NR3C2: variants seen among roughly 807,000 people sequenced by gnomAD.
The protein encoded by NR3C2 is mineralocorticoid receptor.
A neutral mutation model predicts 86.4 loss-of-function variants in NR3C2; 15 were observed. The observed-to-expected ratio is 0.17, with a 90% CI of 0.12 to 0.27. The LOEUF (loss-of-function observed/expected upper bound fraction) is 0.27, where lower values mean the gene tolerates loss of function less well. Among genes scored for constraint, NR3C2 ranks in the 10% least tolerant of loss-of-function variants. The pLI, the probability that NR3C2 is intolerant of heterozygous loss-of-function variation, is 1.00. For synonymous variants in NR3C2, 458 were observed against 450.5 expected (o/e 1.02, Z -0.21); for missense variants, 960 against 1,195.6 (o/e 0.80, Z 2.91).
At chr4:148,414,635 A>T (rs1748906598) in intron 2 of NR3C2, among the ~76,000 whole-genome samples, 1 of 152,186 alleles carries the variant, frequency 6.6e-6, no homozygotes, top group African/African-American at 2.4e-5. Context: ...CAAAAAAAAT[A>T]CTCAAAAATT....
rs533119629 is a variant in NR3C2 at position 148,091,610 on chromosome 4, C to T, written c.2800-10111G>A. ...GTTCCTGTGCCACACCGCTGTGTTA[C>T]GGCAAAGCATCTACCAGTCACCCTG... is the stretch of plus-strand genomic sequence containing the variant. On this transcript the variant is annotated intron_variant, in intron 8 of 8. Transcript: ENST00000358102. 4.3e-4 allele frequency among the ~76,000 whole-genome samples: 66 copies of T among 152,324 alleles called. 1 individual carries two copies. The South Asian group carries it at 5.6e-3, about 13-fold the overall frequency.
intron 2 of NR3C2, among the ~76,000 whole-genome samples, chr4:148,349,841 T>C (rs1745183718): frequency 6.6e-6 from 1 of 152,154 alleles, no homozygotes; most frequent in African/African-American, 2.4e-5. Flanking sequence ...TGGTCTATAT[T>C]GTTGGTATCA....
chr4:148,205,111 T>C (rs1442705667), intron 3 of NR3C2, among the ~76,000 whole-genome samples: 2 of 152,194 alleles, frequency 1.3e-5, no homozygotes, highest in Non-Finnish European at 1.5e-5. Flanking sequence ...TTATTTGCCA[T>C]CTCAGGCATA....
At chr4:148,324,777 TC>T (rs1464358493) in intron 2 of NR3C2, among the ~76,000 whole-genome samples, 2 of 152,170 alleles carry the variant, frequency 1.3e-5, no homozygotes, top group Non-Finnish European at 2.9e-5. Context: ...ATATTTCATA[TC>T]TTAAATATGT....
At chr4:148,258,525 C>T (rs1279181428) in intron 3 of NR3C2, among the ~76,000 whole-genome samples, 1 of 152,194 alleles carries the variant, frequency 6.6e-6, no homozygotes, top group African/African-American at 2.4e-5. Flanking sequence ...CCAGAACCAG[C>T]CTATCTGATC....
At chr4:148,194,368 T>C (rs1186432479) in intron 4 of NR3C2, among the ~76,000 whole-genome samples, 1 of 152,202 alleles carries the variant, frequency 6.6e-6, no homozygotes, top group Admixed American at 6.5e-5. Context: ...TAAAGTTAGG[T>C]ATGTACTCTA....
chr4:148,180,085 C>A (rs2149790759), intron 4 of NR3C2, among the ~76,000 whole-genome samples: 1 of 151,780 alleles, frequency 6.6e-6, no homozygotes, highest in African/African-American at 2.4e-5. Context: ...CTTGGGAGAC[C>A]CTTTAAAGAC....
chr4:148,171,532 A>T (rs2149784342), intron 4 of NR3C2, among the ~76,000 whole-genome samples: 1 of 152,324 alleles, frequency 6.6e-6, no homozygotes, highest in South Asian at 2.1e-4. Flanking sequence ...ATCATCGGGC[A>T]TTATATTCTC....
intron 2 of NR3C2, among the ~76,000 whole-genome samples, chr4:148,262,324 T>G (rs769253656): frequency 3.9e-5 from 6 of 152,150 alleles, no homozygotes; most frequent in Non-Finnish European, 8.8e-5. Context: ...TTCTCGGTGA[T>G]CTCATCTAGT....
chr4:148,337,953 A>G (rs1452976645), intron 2 of NR3C2, among the ~76,000 whole-genome samples: 3 of 152,174 alleles, frequency 2.0e-5, no homozygotes, highest in Non-Finnish European at 4.4e-5. Flanking sequence ...TGCACTTTGT[A>G]TCTTGAATTT....
chr4:148,163,825 T>C (rs1440231363), intron 4 of NR3C2, among the ~76,000 whole-genome samples: 1 of 152,178 alleles, frequency 6.6e-6, no homozygotes, highest in East Asian at 1.9e-4. Flanking sequence ...ATGAGGTAGG[T>C]ACTGTGTTAT....
intron 4 of NR3C2, among the ~76,000 whole-genome samples, chr4:148,171,167 G>A (rs72653839): frequency 5.1e-4 from 77 of 152,314 alleles, no homozygotes; most frequent in African/African-American, 1.7e-3. Flanking sequence ...GTCCCCAAGC[G>A]TCGACTTCCT....
chr4:148,275,852 G>C (rs926174607), intron 2 of NR3C2, among the ~76,000 whole-genome samples: 4 of 152,216 alleles, frequency 2.6e-5, no homozygotes, highest in African/African-American at 9.6e-5. Context: ...GACATCAAGC[G>C]ATTTTGAAGA....
At chr4:148,390,184 T>TA (rs11320471) in intron 2 of NR3C2, among the ~76,000 whole-genome samples, 18,935 of 133,828 alleles carry the variant, frequency 0.14, 2,314 homozygotes, top group Non-Finnish European at 0.2. Flanking sequence ...ATACATTCCT[T>TA]AAAAAAAAAA....
At chr4:148,297,858 C>T (rs1371064245) in intron 2 of NR3C2, among the ~76,000 whole-genome samples, 1 of 150,884 alleles carries the variant, frequency 6.6e-6, no homozygotes, top group Non-Finnish European at 1.5e-5. Flanking sequence ...CATTGCACTC[C>T]AGCCTGGGCG....
intron 4 of NR3C2, among the ~76,000 whole-genome samples, chr4:148,189,397 T>C (rs1219063645): frequency 6.6e-6 from 1 of 152,250 alleles, no homozygotes; most frequent in Non-Finnish European, 1.5e-5. Context: ...ACCCACTTGA[T>C]CATGGTGGAT....
chr4:148,241,328 A>AT (rs1739029291), intron 3 of NR3C2, among the ~76,000 whole-genome samples: 1 of 145,798 alleles, frequency 6.9e-6, no homozygotes, highest in South Asian at 2.3e-4. Flanking sequence ...AAAAAAAAAA[A>AT]AAAAAGGGGA....
chr4:148,400,778 C>CAAAAA (rs34623514), intron 2 of NR3C2, among the ~76,000 whole-genome samples: 3 of 84,412 alleles, frequency 3.6e-5, no homozygotes, highest in Non-Finnish European at 6.8e-5. Flanking sequence ...GACTCCGTCT[C>CAAAAA]AAAAAAAAAA....
At chr4:148,274,444 T>G (rs1228859492) in intron 2 of NR3C2, among the ~76,000 whole-genome samples, 1 of 151,578 alleles carries the variant, frequency 6.6e-6, no homozygotes, top group Non-Finnish European at 1.5e-5. Flanking sequence ...CGGTGGGAGG[T>G]GTATGGATCA....
Sources: allele counts gnomAD v4.1 joint callset (sites outside exome capture counted in the v4.1 genomes callset), GRCh38; gene constraint gnomAD v4.1.1; transcripts MANE v1.5; gene names NCBI Gene and HGNC (gene_info 2026-07-23, HGNC 2026-07-21).